The following ARHGAP31 variants were observed in gnomAD, a reference collection of about 807,000 sequenced individuals.
ARHGAP31 encodes rho GTPase-activating protein 31.
ARHGAP31 carries 34 observed loss-of-function variants against 113.9 expected under a neutral mutation model. That is an observed-to-expected ratio of 0.30 (90% CI 0.23 to 0.40). ARHGAP31 has a LOEUF of 0.40. ARHGAP31 is among the 10% of genes least tolerant of loss of function. The pLI is 1.00. For missense variants in ARHGAP31, 1,548 were observed against 1,767.1 expected (o/e 0.88, Z 2.22); for synonymous variants, 650 against 684.8 (o/e 0.95, Z 0.79).
At position 119,415,878 on chromosome 3, in the gene ARHGAP31, T is replaced by A; in HGVS notation, c.3949T>A (p.Ser1317Thr). The A allele has an allele frequency of 6.2e-7, 1 of 1,614,176 alleles. No homozygotes were observed. The highest frequency in any genetic ancestry group is 8.5e-7 in the Non-Finnish European group (1 of 1,180,022). The change falls in exon 12 of 12, where the codon TCT (serine) becomes ACT (threonine). Residue 1317 changes from serine (S) to threonine (T), a missense_variant. Ser to Thr is a moderately conservative substitution (Grantham distance 58). Transcript: ENST00000264245. Reference sequence around the variant, plus strand: ...AAAGCGCATGTCAGAGACAGAGCCATCTGGGGACAACCTTCTTTCTTCAAA... The same window carrying A: ...AAAGCGCATGTCAGAGACAGAGCCAACTGGGGACAACCTTCTTTCTTCAAA... ...CRKRMSETEP[S>T]GDNLLSSKLE...
chr3:119,313,517 C>T (rs1032514354), intron 1 of ARHGAP31, among the ~76,000 whole-genome samples: 4 of 152,218 alleles, frequency 2.6e-5, no homozygotes, highest in South Asian at 2.1e-4. Flanking sequence ...GCTGAACGAA[C>T]GAGGGTAGAA....
intron 3 of ARHGAP31, among the ~76,000 whole-genome samples, chr3:119,380,513 G>A (rs71325375): frequency 0.052 from 7,952 of 152,064 alleles, 319 homozygotes; most frequent in South Asian, 0.099. Flanking sequence ...AGCCTCCTGA[G>A]TAGCTGGGAT....
At chr3:119,391,767 C>T (rs1307717797) in intron 7 of ARHGAP31, among the ~76,000 whole-genome samples, 2 of 152,234 alleles carry the variant, frequency 1.3e-5, no homozygotes, top group Middle Eastern at 3.4e-3. Context: ...GCACCTCTTG[C>T]ACAGGCTGCC....
At chr3:119,329,830 T>C in intron 1 of ARHGAP31, 1 of 985,484 alleles carries the variant, frequency 1.0e-6, no homozygotes, top group Non-Finnish European at 1.2e-6. Context: ...GAGAGGAGTC[T>C]GTCCGCACTG....
Position 119,362,550 on chromosome 3 carries a change from C to T in ARHGAP31, c.101-2766C>T, listed in dbSNP as rs575171405. On this transcript the variant is annotated intron_variant, in intron 1 of 11. Coordinates refer to ENST00000264245, the MANE Select transcript of ARHGAP31 (RefSeq NM_020754.4). ...TGGGAGGCTGAGGCAGGTGGATCACCGGAGATCAGGAGTTCAAGACTAGCC... is the reference window on the plus strand; with the variant it reads ...TGGGAGGCTGAGGCAGGTGGATCACTGGAGATCAGGAGTTCAAGACTAGCC... Among the ~76,000 whole-genome samples the T allele has an allele frequency of 9.2e-5, 14 of 152,012 alleles. No homozygotes were observed. In the East Asian group the frequency reaches 1.2e-3, roughly 13 times the overall value.
At chr3:119,323,949 G>C (rs1490318881) in intron 1 of ARHGAP31, among the ~76,000 whole-genome samples, 1 of 152,098 alleles carries the variant, frequency 6.6e-6, no homozygotes, top group African/African-American at 2.4e-5. Context: ...GGAATAAGAA[G>C]GTGGGCCCCC....
intron 1 of ARHGAP31, among the ~76,000 whole-genome samples, chr3:119,350,250 C>T (rs1253292453): frequency 2.6e-5 from 4 of 152,050 alleles, no homozygotes; most frequent in Non-Finnish European, 5.9e-5. Flanking sequence ...GCCTCAGTAC[C>T]AAGGCTTCCA....
Position 119,305,033 on chromosome 3 carries a change from A to G in ARHGAP31, c.100+10029A>G, listed in dbSNP as rs77398736. Among the ~76,000 whole-genome samples the G allele has an allele frequency of 5.5e-3, 841 of 152,334 alleles. 14 individuals carry two copies. In the East Asian group the frequency reaches 0.062, roughly 11 times the overall value. On this transcript the variant is annotated intron_variant, in intron 1 of 11. Coordinates refer to ENST00000264245, the MANE Select transcript of ARHGAP31 (RefSeq NM_020754.4). ...GTCCAACTGCAGAGTCTTCCACTAT[A>G]TGGAAAGTTCTGTTTTGTCCCCATC...
chr3:119,316,712 C>A, intron 1 of ARHGAP31, among the ~76,000 whole-genome samples: 1 of 152,250 alleles, frequency 6.6e-6, no homozygotes, highest in East Asian at 1.9e-4. Flanking sequence ...ATCACAGGGG[C>A]CACTAGTGGG....
At chr3:119,340,700 G>A (rs1372051169) in intron 1 of ARHGAP31, among the ~76,000 whole-genome samples, 5 of 152,182 alleles carry the variant, frequency 3.3e-5, no homozygotes. Flanking sequence ...AGTGCGCAGT[G>A]TGGCCGTGGG....
chr3:119,352,599 C>G (rs549137041), intron 1 of ARHGAP31, among the ~76,000 whole-genome samples: 24 of 150,570 alleles, frequency 1.6e-4, no homozygotes, highest in African/African-American at 5.6e-4. Flanking sequence ...GATTACCTCC[C>G]CTCCCTCTTC....
chr3:119,366,663 G>C (rs900624771), intron 2 of ARHGAP31, among the ~76,000 whole-genome samples: 8 of 152,028 alleles, frequency 5.3e-5, no homozygotes, highest in African/African-American at 1.5e-4. Context: ...TTTTATTTCA[G>C]CACTGACCTT....
chr3:119,410,853 T>C, intron 11 of ARHGAP31, among the ~76,000 whole-genome samples: 1 of 152,208 alleles, frequency 6.6e-6, no homozygotes, highest in Non-Finnish European at 1.5e-5. Context: ...TGGGAAAAGA[T>C]TGAACAAGTA....
intron 1 of ARHGAP31, among the ~76,000 whole-genome samples, chr3:119,303,578 C>T (rs1289298343): frequency 6.6e-6 from 1 of 152,136 alleles, no homozygotes; most frequent in Non-Finnish European, 1.5e-5. Flanking sequence ...AGGCCCCCTT[C>T]CCACCACTAC....
chr3:119,350,084 G>C (rs1231256189), intron 1 of ARHGAP31, among the ~76,000 whole-genome samples: 2 of 152,274 alleles, frequency 1.3e-5, no homozygotes, highest in East Asian at 3.9e-4. Context: ...TAAGAAAACT[G>C]TTAACTAAAA....
At chr3:119,296,761 A>C (rs903159204) in intron 1 of ARHGAP31, among the ~76,000 whole-genome samples, 19 of 152,270 alleles carry the variant, frequency 1.2e-4, no homozygotes, top group African/African-American at 3.9e-4. Context: ...ACAAAAAAAA[A>C]CAGAGACTAC....
At chr3:119,362,299 C>T (rs2080214594) in intron 1 of ARHGAP31, among the ~76,000 whole-genome samples, 1 of 152,196 alleles carries the variant, frequency 6.6e-6, no homozygotes, top group African/African-American at 2.4e-5. Context: ...ATGCAGAACA[C>T]CCTGAGGGCC....
chr3:119,297,050 T>C (rs2079538733), intron 1 of ARHGAP31, among the ~76,000 whole-genome samples: 1 of 152,226 alleles, frequency 6.6e-6, no homozygotes, highest in Non-Finnish European at 1.5e-5. Context: ...AGTTCAGCTT[T>C]GAAAGGAAAC....
At chr3:119,367,230 T>A (rs1213062425) in intron 2 of ARHGAP31, among the ~76,000 whole-genome samples, 1 of 152,220 alleles carries the variant, frequency 6.6e-6, no homozygotes, top group East Asian at 1.9e-4. Flanking sequence ...GGCAGCGAGC[T>A]GTTTCAAAAA....
Sources: allele counts gnomAD v4.1 joint callset (sites outside exome capture counted in the v4.1 genomes callset), GRCh38; gene constraint gnomAD v4.1.1; transcripts MANE v1.5; gene names NCBI Gene and HGNC (gene_info 2026-07-23, HGNC 2026-07-21).